ROBO2: variants seen among roughly 807,000 people sequenced by gnomAD.
The protein encoded by ROBO2 is roundabout homolog 2.
ROBO2 carries 53 observed loss-of-function variants against 160.8 expected under a neutral mutation model. The ratio of observed to expected loss-of-function variants is 0.33; its 90% CI spans 0.26 to 0.41. The LOEUF (loss-of-function observed/expected upper bound fraction) is 0.41, where lower values mean the gene tolerates loss of function less well. ROBO2 is among the 10% of genes least tolerant of loss of function. The pLI is 1.00. For missense variants in ROBO2, 1,577 were observed against 1,722.4 expected (o/e 0.92, Z 1.49); for synonymous variants, 664 against 611.7 (o/e 1.09, Z -1.26).
intron 2 of ROBO2, among the ~76,000 whole-genome samples, chr3:76,566,738 G>C (rs2084550325): frequency 6.6e-6 from 1 of 152,020 alleles, no homozygotes; most frequent in African/African-American, 2.4e-5. Context: ...TGGAGAGGAA[G>C]AGAAGTGGGA....
intron 2 of ROBO2, among the ~76,000 whole-genome samples, chr3:77,132,473 TG>T (rs1372325476): frequency 6.6e-6 from 1 of 152,128 alleles, no homozygotes; most frequent in African/African-American, 2.4e-5. Flanking sequence ...AAGGCTATTT[TG>T]TCTGAGCTAT....
At chr3:77,350,130 C>T (rs562133963) in intron 2 of ROBO2, among the ~76,000 whole-genome samples, 3 of 151,030 alleles carry the variant, frequency 2.0e-5, no homozygotes, top group Admixed American at 6.6e-5. Context: ...ATACATATGC[C>T]GTGTGCAGTG....
At chr3:75,939,310 T>C (rs1406474908) in intron 2 of ROBO2, among the ~76,000 whole-genome samples, 2 of 152,188 alleles carry the variant, frequency 1.3e-5, no homozygotes, top group East Asian at 3.8e-4. Flanking sequence ...TGGCTTGTTT[T>C]AGATGAGGAA....
At chr3:76,003,797 A>G (rs186807956) in intron 2 of ROBO2, among the ~76,000 whole-genome samples, 25 of 152,366 alleles carry the variant, frequency 1.6e-4, no homozygotes, top group African/African-American at 6.0e-4. Context: ...GAGAACGTGG[A>G]ACCACTGATA....
intron 2 of ROBO2, among the ~76,000 whole-genome samples, chr3:75,986,925 C>T (rs1455262761): frequency 6.6e-6 from 1 of 151,492 alleles, no homozygotes; most frequent in Non-Finnish European, 1.5e-5. Context: ...ACTTCATTGG[C>T]CTATAAGTCT....
At chr3:77,410,620 T>TCCTCCTCCTC (rs1560757888) in intron 2 of ROBO2, among the ~76,000 whole-genome samples, 1 of 18,500 alleles carries the variant, frequency 5.4e-5, no homozygotes, top group Non-Finnish European at 1.2e-4. Context: ...TCCTCCTTCT[T>TCCTCCTCCTC]CTCCTCCTCT....
chr3:76,725,836 C>A (rs1434542701), intron 2 of ROBO2, among the ~76,000 whole-genome samples: 1 of 152,166 alleles, frequency 6.6e-6, no homozygotes, highest in African/African-American at 2.4e-5. Flanking sequence ...CACAGAGGAG[C>A]AATGAGCCTT....
At chr3:76,904,621 G>A (rs552205593) in intron 2 of ROBO2, among the ~76,000 whole-genome samples, 11 of 152,214 alleles carry the variant, frequency 7.2e-5, no homozygotes, top group African/African-American at 2.4e-4. Context: ...GAGATTGACA[G>A]TTCTCCATCC....
Position 76,179,147 on chromosome 3 carries a change from T to C in ROBO2, c.109+241545T>C, listed in dbSNP as rs1701376692. On this transcript the variant is annotated intron_variant, in intron 2 of 26. Coordinates refer to the ROBO2 transcript ENST00000487694. ...TAATGAGACATATTAATTTGTCTCA[T>C]TAATAATTAATAATGAGACATATTC... is the stretch of plus-strand genomic sequence containing the variant. 2.6e-5 allele frequency among the ~76,000 whole-genome samples: 4 copies of C among 152,108 alleles called. 1 individual carries two copies. Among genetic ancestry groups the C allele is most frequent in the Non-Finnish European group, 5.9e-5 (4 of 68,024 alleles).
intron 2 of ROBO2, among the ~76,000 whole-genome samples, chr3:77,209,560 A>C (rs1172918603): frequency 6.6e-6 from 1 of 152,188 alleles, no homozygotes; most frequent in Non-Finnish European, 1.5e-5. Context: ...TTAATGGTAG[A>C]ACCAGTGGGC....
chr3:77,616,485 G>A (rs978019743), intron 21 of ROBO2, among the ~76,000 whole-genome samples: 5 of 152,120 alleles, frequency 3.3e-5, no homozygotes, highest in African/African-American at 1.2e-4. Flanking sequence ...GGGTGGAAGA[G>A]AAGATGATGA....
At chr3:76,355,933 C>T (rs960525177) in intron 2 of ROBO2, among the ~76,000 whole-genome samples, 18 of 151,708 alleles carry the variant, frequency 1.2e-4, no homozygotes, top group African/African-American at 3.6e-4. Context: ...CCCCTTACAG[C>T]AGCAGCCTGA....
At chr3:76,555,358 G>GAGAAGAAGAAGAAGAAGAAAAGAAGAAGA (rs2083652529) in intron 2 of ROBO2, among the ~76,000 whole-genome samples, 6 of 57,932 alleles carry the variant, frequency 1.0e-4, no homozygotes, top group African/African-American at 3.1e-4. Context: ...AGTAGGAAGA[G>GAGAAGAAGAAGAAGAAGAAAAGAAGAAGA]AGAAGAAGAA....
At chr3:77,146,118 C>A (rs1228481065) in intron 2 of ROBO2, among the ~76,000 whole-genome samples, 1 of 152,212 alleles carries the variant, frequency 6.6e-6, no homozygotes, top group Non-Finnish European at 1.5e-5. Context: ...CACCTACTGA[C>A]CCTGCCTATT....
At chr3:76,988,347 A>G (rs2060494900) in intron 2 of ROBO2, among the ~76,000 whole-genome samples, 1 of 152,184 alleles carries the variant, frequency 6.6e-6, no homozygotes, top group African/African-American at 2.4e-5. Context: ...ACCAAAGTGA[A>G]GTAGTAAATT....
At chr3:77,547,630 G>A (rs1396875683) in intron 7 of ROBO2, among the ~76,000 whole-genome samples, 6 of 152,038 alleles carry the variant, frequency 3.9e-5, no homozygotes, top group Non-Finnish European at 8.8e-5. Context: ...CCAGCTCATA[G>A]TGAGCAGTTC....
At chr3:77,157,992 A>G (rs2078162424) in intron 2 of ROBO2, among the ~76,000 whole-genome samples, 1 of 152,154 alleles carries the variant, frequency 6.6e-6, no homozygotes, top group Non-Finnish European at 1.5e-5. Context: ...AGAAAGGGAA[A>G]CATAATAATT....
chr3:76,994,144 A>C (rs1436019230), intron 2 of ROBO2, among the ~76,000 whole-genome samples: 1 of 151,766 alleles, frequency 6.6e-6, no homozygotes, highest in East Asian at 1.9e-4. Flanking sequence ...GGCTATCTGC[A>C]TATATTGTTA....
chr3:76,136,141 A>G (rs1190833569), intron 2 of ROBO2, among the ~76,000 whole-genome samples: 6 of 152,078 alleles, frequency 3.9e-5, no homozygotes, highest in Non-Finnish European at 7.4e-5. Context: ...TTGTGTATCC[A>G]TTGGGTTTAA....
Sources: gnomAD v4.1 joint callset for allele counts (sites outside exome capture counted in the v4.1 genomes callset) on GRCh38, gnomAD v4.1.1 for gene constraint, MANE v1.5 for transcripts, NCBI Gene and HGNC (gene_info 2026-07-23, HGNC 2026-07-21) for gene names.